The following ZSCAN1 variants were observed in gnomAD, a reference collection of about 807,000 sequenced individuals.
The protein encoded by ZSCAN1 is zinc finger and SCAN domain-containing protein 1.
ZSCAN1 carries 23 observed loss-of-function variants against 23.8 expected under a neutral mutation model. That is an observed-to-expected ratio of 0.97 (90% confidence interval 0.70 to 1.37). The LOEUF is 1.37. Ranked by LOEUF, ZSCAN1 falls within the 40% of genes most tolerant of loss-of-function variation. ZSCAN1 has a pLI of 0.00. For synonymous variants in ZSCAN1, 236 were observed against 232.3 expected, an observed-to-expected ratio of 1.02 and a Z score of -0.15; for missense variants, 575 against 554.0, an observed-to-expected ratio of 1.04 and a Z score of -0.38.
chr19:58,042,298 C>A (rs1299027597), intron 4 of ZSCAN1, among the ~76,000 whole-genome samples: 1 of 151,656 alleles, frequency 6.6e-6, no homozygotes, highest in Non-Finnish European at 1.5e-5. Context: ...TGCTCTGTAG[C>A]CCAGGCTGGA....
At chr19:58,051,432 T>G (rs2073857946) in intron 4 of ZSCAN1, among the ~76,000 whole-genome samples, 4 of 152,066 alleles carry the variant, frequency 2.6e-5, no homozygotes, top group African/African-American at 4.8e-5. Flanking sequence ...GCAGGAAGAA[T>G]CTTGTGCCTT....
chr19:58,038,456 C>T (rs139894941), intron 3 of ZSCAN1: 6 of 608,736 alleles, frequency 9.9e-6, no homozygotes, highest in African/African-American at 7.4e-5. Context: ...GTCCATCTGT[C>T]CTGTGGCTTT....
chr19:58,034,906 C>T (rs1002301801), intron 1 of ZSCAN1, among the ~76,000 whole-genome samples: 2 of 151,754 alleles, frequency 1.3e-5, no homozygotes, highest in African/African-American at 4.8e-5. Flanking sequence ...ACTGTAAGCC[C>T]CCTTCTCAAA....
In ZSCAN1 at chr19:58,050,044, G is replaced by C. The variant is rs1286555073; in HGVS notation, c.466-2446G>C. Among the ~76,000 whole-genome samples, 3 of 150,448 alleles carry C rather than the reference G, an allele frequency of 2.0e-5. No individual in the cohort carries two copies. The East Asian group carries it at 5.9e-4, about 29-fold the overall frequency. Reference sequence around the variant, plus strand: ...GTAGTGGGAGGGGGAAATGAAGGTTGGTATCTCCTACTCCACCATCTTGGT... The same window carrying C: ...GTAGTGGGAGGGGGAAATGAAGGTTCGTATCTCCTACTCCACCATCTTGGT... On this transcript the variant is annotated intron_variant, in intron 4 of 5. Coordinates refer to ENST00000282326, the MANE Select transcript of ZSCAN1 (RefSeq NM_182572.4).
chr19:58,052,364 C>G lies in ZSCAN1; in HGVS notation c.466-126C>G, dbSNP rs990614562. 17 of 1,479,504 alleles carry G rather than the reference C, an allele frequency of 1.1e-5. No individual in the cohort carries two copies. In the East Asian group the frequency reaches 3.7e-4, roughly 32 times the overall value. The allele number at this position is 1,479,504 out of a possible 1,614,324, so 91.6% of individuals were successfully genotyped here. On this transcript the variant is annotated intron_variant, in intron 4 of 5. Coordinates refer to ENST00000282326, the MANE Select transcript of ZSCAN1 (RefSeq NM_182572.4). ...TCCCAAAGCACGGGAACAACAGGCG[C>G]GACACCGCGCACTGCCCTGGGACAG...
At chr19:58,037,061 G>C (rs982492334) in intron 2 of ZSCAN1, among the ~76,000 whole-genome samples, 1 of 151,996 alleles carries the variant, frequency 6.6e-6, no homozygotes, top group African/African-American at 2.4e-5. Context: ...CCCTCTTCCT[G>C]GTCTCCACCC....
rs967176244 is a variant in ZSCAN1 at position 58,040,686 on chromosome 19, G to A, written c.465+142G>A. On this transcript the variant is annotated intron_variant, in intron 4 of 5. Transcript: ENST00000282326. This position sits in a 1 kb window ranked among gnomAD's most constrained non-coding sequence, Gnocchi z 5.8. Reference sequence around the variant, plus strand: ...AGGAAGCCCGGCCTCCAAACTCCCCGCCTGCCCCACAGATTCCCCAAGCTT... The same window carrying A: ...AGGAAGCCCGGCCTCCAAACTCCCCACCTGCCCCACAGATTCCCCAAGCTT... The A allele has an allele frequency of 2.5e-5, 19 of 752,948 alleles. No individual in the cohort carries two copies. Among genetic ancestry groups the A allele is most frequent in the African/African-American group, 5.2e-5 (3 of 57,152 alleles). 46.6% of individuals were successfully genotyped at this position (752,948 alleles called of 1,614,324 possible).
Position 58,045,331 on chromosome 19 carries a change from G to A in ZSCAN1, c.465+4787G>A. On this transcript the variant is annotated intron_variant, in intron 4 of 5. Coordinates refer to ENST00000282326, the MANE Select transcript of ZSCAN1 (RefSeq NM_182572.4). The surrounding 1 kb of genome is among the most constrained non-coding windows in gnomAD (Gnocchi z 4.3). ...GAGACTCAGTCCATCAAGGAGAAGA[G>A]GCTGAAGGAGCTTCAGGTCAAGCTG... 3.8e-6 allele frequency: 3 copies of A among 797,048 alleles called. No individual in the cohort carries two copies. Among genetic ancestry groups the A allele is most frequent in the Non-Finnish European group, 4.6e-6 (2 of 433,664 alleles). 49.4% of individuals were successfully genotyped at this position (797,048 alleles called of 1,614,324 possible).
chr19:58,037,788 C>A lies in ZSCAN1; in HGVS notation c.-49C>A. 1 of 1,432,830 alleles carries A rather than the reference C, an allele frequency of 7.0e-7. No individual in the cohort carries two copies. The highest frequency in any genetic ancestry group is 1.5e-5 in the South Asian group (1 of 67,604). 88.8% of individuals were successfully genotyped at this position (1,432,830 alleles called of 1,614,324 possible). A position where few individuals can be genotyped will look rare whatever the true frequency, so the allele number is the denominator to read the frequency against. ...GGCTCTGTCCGGAGCCACTGGGACT[C>A]GGGATCCAGTCCACACACACCCCTC... On this transcript the variant is annotated 5_prime_UTR_variant, in exon 3 of 6. Transcript: ENST00000282326.
rs1232418466 is a variant in ZSCAN1 at position 58,040,095 on chromosome 19, T to C, written c.371-355T>C. ...CTGAACCCTGCTTCAGCAGTCGTCC[T>C]CTGTGCACTCTGTGCACACAGCCCC... On this transcript the variant is annotated intron_variant, in intron 3 of 5. Transcript: ENST00000282326. The surrounding 1 kb of genome is among the most constrained non-coding windows in gnomAD (Gnocchi z 5.8). Among the ~76,000 whole-genome samples, 3 of 152,178 alleles carry C rather than the reference T, an allele frequency of 2.0e-5. No homozygotes were observed. The highest frequency in any genetic ancestry group is 7.2e-5 in the African/African-American group (3 of 41,442).
downstream of ZSCAN1, among the ~76,000 whole-genome samples, chr19:58,055,369 G>A (rs952946212): frequency 1.3e-5 from 2 of 152,066 alleles, no homozygotes; most frequent in African/African-American, 2.4e-5. Context: ...TTGCCTTCTC[G>A]GAGCGCCCCC....
chr19:58,037,593 C>G, intron 2 of ZSCAN1, 135 bp from the exon 3 acceptor site: 1 of 424,564 alleles, frequency 2.4e-6, no homozygotes, highest in Admixed American at 4.1e-5. Flanking sequence ...AAGATTAGGT[C>G]AGAAGGTGGG....
At chr19:58,036,796 C>T (rs911433102) in intron 2 of ZSCAN1, among the ~76,000 whole-genome samples, 5 of 152,132 alleles carry the variant, frequency 3.3e-5, no homozygotes, top group Admixed American at 2.6e-4. Flanking sequence ...GAGCAATTCT[C>T]CTGCCTCAGC....
rs191844391 is a variant in ZSCAN1, at chr19:58,039,595, C to A, written c.371-855C>A. On this transcript the variant is annotated intron_variant, in intron 3 of 5. Coordinates refer to ENST00000282326, the MANE Select transcript of ZSCAN1 (RefSeq NM_182572.4). ...TAGCCTGGCCAACATGGTGAAACTC[C>A]GTCTCTACTAAAAATACAAAAATTA... 5.6e-3 allele frequency among the ~76,000 whole-genome samples: 850 copies of A among 152,058 alleles called. 13 individuals carry two copies. Among genetic ancestry groups the A allele is most frequent in the Admixed American group, 0.024 (364 of 15,260 alleles).
chr19:58,050,174 C>T (rs2073850263), intron 4 of ZSCAN1, among the ~76,000 whole-genome samples: 1 of 151,864 alleles, frequency 6.6e-6, no homozygotes. Flanking sequence ...GTGGTTCATG[C>T]CTGTAATCCC....
intron 1 of ZSCAN1, chr19:58,035,633 C>T (rs2073729258): frequency 6.6e-6 from 1 of 152,200 alleles, no homozygotes; most frequent in South Asian, 2.1e-4. Context: ...AGTGTGAATA[C>T]AACATAAGAG....
In ZSCAN1 at chr19:58,049,507, G is replaced by A. The variant is rs2073845940; in HGVS notation, c.466-2983G>A. ...CATTCAGGGTCAGGCAGCAGCTTAT[G>A]CTACGGAGTTGGATTTCAAATGGTG... On this transcript the variant is annotated intron_variant, in intron 4 of 5. Coordinates refer to ENST00000282326, the MANE Select transcript of ZSCAN1 (RefSeq NM_182572.4). This position sits in a 1 kb window ranked among gnomAD's most constrained non-coding sequence, Gnocchi z 4.5. 1.3e-5 allele frequency among the ~76,000 whole-genome samples: 2 copies of A among 152,200 alleles called. No individual in the cohort carries two copies. The highest frequency in any genetic ancestry group is 1.3e-4 in the Admixed American group (2 of 15,282).
At chr19:58,039,945 G>A (rs2073774204) in intron 3 of ZSCAN1, among the ~76,000 whole-genome samples, 2 of 152,002 alleles carry the variant, frequency 1.3e-5, no homozygotes, top group African/African-American at 4.8e-5. Flanking sequence ...TGTTGCCCAG[G>A]CTGCTCTCAA....
rs1011347804 is a variant in ZSCAN1, at chr19:58,049,674, A to G, written c.466-2816A>G. On this transcript the variant is annotated intron_variant, in intron 4 of 5. Transcript: ENST00000282326. This position sits in a 1 kb window ranked among gnomAD's most constrained non-coding sequence, Gnocchi z 4.5. ...CGAAGCCCTTTGAGGGTAGCACTCT[A>G]AGGTCCCTGAGATCCCATGGGCGTA... is the stretch of plus-strand genomic sequence containing the variant. Among the ~76,000 whole-genome samples the G allele has an allele frequency of 6.6e-5, 10 of 152,152 alleles. No individual in the cohort carries two copies. Among genetic ancestry groups the G allele is most frequent in the Non-Finnish European group, 1.3e-4 (9 of 68,020 alleles).
Sources: gnomAD v4.1 joint callset for allele counts (sites outside exome capture counted in the v4.1 genomes callset) on GRCh38, gnomAD v4.1.1 for gene constraint, Gnocchi (gnomAD v3.1) non-coding constraint, MANE v1.5 for transcripts, NCBI Gene and HGNC (gene_info 2026-07-23, HGNC 2026-07-21) for gene names.